Variants in SCN9A observed in about 807,000 individuals in gnomAD.
SCN9A encodes the protein sodium channel protein type 9 subunit alpha.
A neutral mutation model predicts 187.0 loss-of-function variants in SCN9A; 131 were observed. The ratio of observed to expected loss-of-function variants is 0.70; its 90% CI spans 0.61 to 0.81. The LOEUF (loss-of-function observed/expected upper bound fraction) is 0.81. SCN9A is among the 30% of genes least tolerant of loss of function. SCN9A has a pLI of 0.00. For synonymous variants in SCN9A, 809 were observed against 808.6 expected (o/e 1.00, Z -0.01); for missense variants, 2,252 against 2,396.6 (o/e 0.94, Z 1.26).
chr2:166,277,957 A>G (rs1191651363), intron 15 of SCN9A, 183 bp downstream of exon 15: 6 of 508,906 alleles, frequency 1.2e-5, no homozygotes, highest in Non-Finnish European at 2.0e-5. Flanking sequence ...CAAAAATTGT[A>G]AAAATATTCA....
chr2:166,325,145 T>C (rs999277552), intron 1 of SCN9A, among the ~76,000 whole-genome samples: 1 of 152,110 alleles, frequency 6.6e-6, no homozygotes, highest in Non-Finnish European at 1.5e-5. Flanking sequence ...AAATCACAGA[T>C]GTAGAATTAT....
At chr2:166,345,039 A>G (rs1423711425) in intron 1 of SCN9A, among the ~76,000 whole-genome samples, 1 of 152,096 alleles carries the variant, frequency 6.6e-6, no homozygotes, top group Non-Finnish European at 1.5e-5. Context: ...TTGTGAATAT[A>G]CCCCAATTAC....
intron 7 of SCN9A, among the ~76,000 whole-genome samples, chr2:166,300,582 C>T (rs1698510866): frequency 6.6e-6 from 1 of 150,802 alleles, no homozygotes; most frequent in South Asian, 2.1e-4. Flanking sequence ...ATGATAAGCT[C>T]TGTGAAAGCA....
intron 18 of SCN9A, among the ~76,000 whole-genome samples, chr2:166,246,998 G>T (rs1695817119): frequency 6.6e-6 from 1 of 151,612 alleles, no homozygotes; most frequent in Non-Finnish European, 1.5e-5. Context: ...CTCTTTAAAA[G>T]GACTATTAAT....
At chr2:166,367,529 G>A (rs1272986142) in intron 1 of SCN9A, among the ~76,000 whole-genome samples, 1 of 152,056 alleles carries the variant, frequency 6.6e-6, no homozygotes, top group African/African-American at 2.4e-5. Context: ...GCCTTCCAAA[G>A]TGCTGGATTA....
intron 16 of SCN9A, among the ~76,000 whole-genome samples, chr2:166,273,112 C>T (rs1428476832): frequency 6.6e-6 from 1 of 151,892 alleles, no homozygotes; most frequent in Non-Finnish European, 1.5e-5. Context: ...TCAGCCATAC[C>T]CAGGAAGAAT....
intron 7 of SCN9A, among the ~76,000 whole-genome samples, chr2:166,295,494 G>A (rs76769320): frequency 0.014 from 2,056 of 152,220 alleles, 47 homozygotes; most frequent in African/African-American, 0.047. Flanking sequence ...CTGCAAACCT[G>A]TAGAGTGGGC....
intron 17 of SCN9A, among the ~76,000 whole-genome samples, chr2:166,271,371 A>C (rs1374457664): frequency 6.6e-6 from 1 of 152,126 alleles, no homozygotes; most frequent in African/African-American, 2.4e-5. Flanking sequence ...ATAGATGATA[A>C]ATACAAGGGT....
intron 26 of SCN9A, among the ~76,000 whole-genome samples, chr2:166,203,424 A>G (rs1020205505): frequency 6.6e-5 from 10 of 151,962 alleles, no homozygotes; most frequent in African/African-American, 1.9e-4. Flanking sequence ...CACAGACATG[A>G]ACACCATGGC....
intron 18 of SCN9A, among the ~76,000 whole-genome samples, chr2:166,250,358 G>A (rs1042218764): frequency 4.6e-5 from 7 of 152,130 alleles, no homozygotes; most frequent in African/African-American, 1.7e-4. Flanking sequence ...AAAAGTAGAA[G>A]AAGGAAGATA....
chr2:166,365,548 A>G (rs562322012), intron 1 of SCN9A, among the ~76,000 whole-genome samples: 3 of 152,280 alleles, frequency 2.0e-5, no homozygotes, highest in Admixed American at 6.5e-5. Context: ...TCTGCTTTCA[A>G]TCTTGCTGTC....
At chr2:166,349,295 T>C (rs1337224069) in intron 1 of SCN9A, among the ~76,000 whole-genome samples, 1 of 152,222 alleles carries the variant, frequency 6.6e-6, no homozygotes, top group African/African-American at 2.4e-5. Context: ...GTATACACTC[T>C]TTCTCTATTC....
At chr2:166,209,510 C>A (rs1235870303) in intron 24 of SCN9A, among the ~76,000 whole-genome samples, 1 of 151,906 alleles carries the variant, frequency 6.6e-6, no homozygotes, top group Non-Finnish European at 1.5e-5. Flanking sequence ...AGTCAAATAT[C>A]AGTAAAAACT....
intron 1 of SCN9A, among the ~76,000 whole-genome samples, chr2:166,369,719 C>A (rs1528485): frequency 0.21 from 31,233 of 152,160 alleles, 4,067 homozygotes; most frequent in Non-Finnish European, 0.29. Flanking sequence ...GCATTTAATT[C>A]ATCCTATTCA....
Position 166,198,348 on chromosome 2 carries a change from A to C in SCN9A, c.*324T>G, listed in dbSNP as rs1693305260. ...TTACATGGGAAACAAGACTAATTAC[A>C]ATCCTGTGAAAAGATGACAAGGCAG... is the stretch of plus-strand genomic sequence containing the variant. On this transcript the variant is annotated 3_prime_UTR_variant, in exon 27 of 27. Transcript: ENST00000642356. 1 of 219,276 alleles carries C rather than the reference A, an allele frequency of 4.6e-6. No individual in the cohort carries two copies. The highest frequency in any genetic ancestry group is 9.0e-6 in the Non-Finnish European group (1 of 110,788). The allele number at this position is 219,276 out of a possible 1,614,324, so 13.6% of individuals were successfully genotyped here. A position where few individuals can be genotyped will look rare whatever the true frequency, so the allele number is the denominator to read the frequency against.
At chr2:166,201,442 G>T (rs28620981) in intron 26 of SCN9A, among the ~76,000 whole-genome samples, 1 of 132,566 alleles carries the variant, frequency 7.5e-6, no homozygotes, top group Non-Finnish European at 1.7e-5. Flanking sequence ...ATATAGTATA[G>T]AGTATGCGTA....
chr2:166,293,805 T>G (rs1325886536), intron 8 of SCN9A, among the ~76,000 whole-genome samples: 1 of 152,230 alleles, frequency 6.6e-6, no homozygotes, highest in Non-Finnish European at 1.5e-5. Context: ...GTATAATTCT[T>G]GGAATAGATT....
intron 12 of SCN9A, among the ~76,000 whole-genome samples, chr2:166,283,521 T>C (rs1697587713): frequency 6.6e-6 from 1 of 152,176 alleles, no homozygotes; most frequent in Non-Finnish European, 1.5e-5. Flanking sequence ...AGAGATATCC[T>C]GGAAACTCCA....
chr2:166,237,627 T>C (rs1695376561), intron 20 of SCN9A, among the ~76,000 whole-genome samples: 1 of 152,132 alleles, frequency 6.6e-6, no homozygotes, highest in Non-Finnish European at 1.5e-5. Flanking sequence ...TATAATGATT[T>C]TTAGAAAAAT....
Sources: allele counts gnomAD v4.1 joint callset (sites outside exome capture counted in the v4.1 genomes callset), GRCh38; gene constraint gnomAD v4.1.1; transcripts MANE v1.5; gene names NCBI Gene and HGNC (gene_info 2026-07-23, HGNC 2026-07-21).